The following JMJD1C variants were observed in gnomAD, a reference collection of about 807,000 sequenced individuals.
JMJD1C encodes the protein jumonji domain-containing protein 1C.
Under a neutral mutation model 245.3 loss-of-function variants are expected in JMJD1C, and 31 were observed. The observed-to-expected ratio is 0.13, with a 90% confidence interval of 0.09 to 0.17. The LOEUF is 0.17. Among genes scored for constraint, JMJD1C ranks in the 10% least tolerant of loss-of-function variants. The pLI is 1.00. For synonymous variants in JMJD1C, 1,057 were observed against 1,017.4 expected, an observed-to-expected ratio of 1.04 and a Z score of -0.74; for missense variants, 2,691 against 3,000.2, an observed-to-expected ratio of 0.90 and a Z score of 2.41.
At chr10:63,241,350 C>G (rs773123021) in intron 3 of JMJD1C, among the ~76,000 whole-genome samples, 8 of 152,138 alleles carry the variant, frequency 5.3e-5, no homozygotes, top group Non-Finnish European at 1.0e-4. Context: ...AGAAGACGAG[C>G]AGTAAAGTGA....
intron 3 of JMJD1C, among the ~76,000 whole-genome samples, chr10:63,263,959 T>TACACACACACAC (rs746833882): frequency 2.0e-4 from 17 of 83,014 alleles, no homozygotes; most frequent in African/African-American, 7.1e-4. Context: ...AAAATACACA[T>TACACACACACAC]ACACACACAC....
At chr10:63,330,958 G>C (rs1319770663) in intron 2 of JMJD1C, among the ~76,000 whole-genome samples, 1 of 152,096 alleles carries the variant, frequency 6.6e-6, no homozygotes. Context: ...ATTCCTCTAA[G>C]GCTCTGCACA....
chr10:63,360,074 C>T (rs1174717692), intron 2 of JMJD1C, among the ~76,000 whole-genome samples: 1 of 152,018 alleles, frequency 6.6e-6, no homozygotes, highest in Non-Finnish European at 1.5e-5. Flanking sequence ...ACTTGAGAGG[C>T]TGAGGCAGGA....
chr10:63,330,975 T>C (rs1210582422), intron 2 of JMJD1C, among the ~76,000 whole-genome samples: 2 of 152,218 alleles, frequency 1.3e-5, no homozygotes, highest in Non-Finnish European at 2.9e-5. Flanking sequence ...CACAGTCGAT[T>C]ACTCTATGAC....
In JMJD1C at chr10:63,192,973, T is replaced by C. The variant is rs1290132781; in HGVS notation, c.6041A>G (p.Asp2014Gly). ...ESQSPLHWLA[D>G]LAEQKAREEK... ...CTCTCTGGCTTTTTGCTCTGCAAGA[T>C]CTGCTAACCAGTGCAGTGGTGACTG... The change falls in exon 16 of 26, where the codon GAT becomes GGT. Residue 2014 changes from aspartate to glycine, a missense_variant. Physicochemically the swap from Asp to Gly is moderately conservative, Grantham distance 94 (BLOSUM62 -1). Around this residue, in one of 9 missense-constraint regions of JMJD1C, gnomAD observed 275 missense variants for 285.5 expected, o/e 0.96. Transcript: ENST00000399262. The C allele has an allele frequency of 1.9e-6, 3 of 1,614,034 alleles. No homozygotes were observed. The highest frequency in any genetic ancestry group is 2.7e-5 in the African/African-American group (2 of 74,920).
At chr10:63,276,088 T>C (rs1309028995) in intron 2 of JMJD1C, among the ~76,000 whole-genome samples, 2 of 152,170 alleles carry the variant, frequency 1.3e-5, no homozygotes, top group African/African-American at 4.8e-5. Flanking sequence ...AATTATATGT[T>C]AGAATACTAA....
chr10:63,329,017 C>A (rs756187007), intron 2 of JMJD1C, among the ~76,000 whole-genome samples: 15 of 152,174 alleles, frequency 9.9e-5, no homozygotes, highest in Non-Finnish European at 2.2e-4. Context: ...TGCCCTGGTT[C>A]ATGCCTATAA....
chr10:63,314,964 T>G (rs1257063109), intron 2 of JMJD1C, among the ~76,000 whole-genome samples: 3 of 149,580 alleles, frequency 2.0e-5, no homozygotes, highest in Admixed American at 2.0e-4. Flanking sequence ...TTGTTTTTTT[T>G]TTTTTTTTGA....
chr10:63,495,767 A>G (rs1564970368), intron 1 of JMJD1C, among the ~76,000 whole-genome samples: 3 of 147,322 alleles, frequency 2.0e-5, no homozygotes. Flanking sequence ...AAAAAAAAAA[A>G]AGAAGAAGAA....
intron 2 of JMJD1C, among the ~76,000 whole-genome samples, chr10:63,309,700 C>T (rs547495252): frequency 3.3e-5 from 5 of 151,532 alleles, no homozygotes; most frequent in East Asian, 3.9e-4. Flanking sequence ...GAGCGGATCA[C>T]GAGGTCTGGA....
intron 3 of JMJD1C, among the ~76,000 whole-genome samples, chr10:63,244,535 G>C (rs924685505): frequency 6.6e-6 from 1 of 151,898 alleles, no homozygotes; most frequent in African/African-American, 2.4e-5. Flanking sequence ...CAGCAAACAG[G>C]GAATCATGAC....
At chr10:63,173,764 G>T (rs1343136120) in intron 24 of JMJD1C, among the ~76,000 whole-genome samples, 2 of 151,830 alleles carry the variant, frequency 1.3e-5, no homozygotes, top group Non-Finnish European at 2.9e-5. Context: ...TTTGAAAAGA[G>T]AAGCTACAGG....
chr10:63,407,976 T>C (rs1449780441), intron 1 of JMJD1C, among the ~76,000 whole-genome samples: 1 of 152,014 alleles, frequency 6.6e-6, no homozygotes, highest in South Asian at 2.1e-4. Context: ...TGGTTCAATA[T>C]CCCAACACAA....
chr10:63,457,977 TATAAG>T (rs1325256596), intron 1 of JMJD1C, among the ~76,000 whole-genome samples: 1 of 152,190 alleles, frequency 6.6e-6, no homozygotes, highest in African/African-American at 2.4e-5. Flanking sequence ...AGTTCTACAA[TATAAG>T]ATAAATCAAC....
chr10:63,246,519 A>AT (rs1179413432), intron 3 of JMJD1C, among the ~76,000 whole-genome samples: 6 of 151,958 alleles, frequency 3.9e-5, no homozygotes, highest in African/African-American at 7.2e-5. Context: ...TGGAGAGAGA[A>AT]TTTTTTTTTC....
chr10:63,172,440 T>C (rs1381856852), intron 24 of JMJD1C, among the ~76,000 whole-genome samples: 2 of 152,228 alleles, frequency 1.3e-5, no homozygotes, highest in Non-Finnish European at 2.9e-5. Context: ...AAACATGTTG[T>C]TACTGAGAAC....
At chr10:63,477,107 C>A (rs561242451) in intron 1 of JMJD1C, among the ~76,000 whole-genome samples, 34 of 152,204 alleles carry the variant, frequency 2.2e-4, no homozygotes, top group Non-Finnish European at 3.7e-4. Flanking sequence ...TATACCATGT[C>A]CATGCATCAG....
chr10:63,303,574 A>G (rs1184032230), intron 2 of JMJD1C, among the ~76,000 whole-genome samples: 3 of 152,104 alleles, frequency 2.0e-5, no homozygotes, highest in Non-Finnish European at 4.4e-5. Flanking sequence ...CCAAAGTACT[A>G]ATATTACAGG....
At chr10:63,291,091 G>T (rs1202742171) in intron 2 of JMJD1C, among the ~76,000 whole-genome samples, 2 of 151,816 alleles carry the variant, frequency 1.3e-5, no homozygotes, top group Non-Finnish European at 2.9e-5. Flanking sequence ...CGGATCACGA[G>T]GTTAGGAGTT....
Sources: gnomAD v4.1 joint callset for allele counts (sites outside exome capture counted in the v4.1 genomes callset) on GRCh38, gnomAD v4.1.1 for gene constraint, gnomAD v4.1.1 regional missense constraint, MANE v1.5 for transcripts, NCBI Gene and HGNC (gene_info 2026-07-23, HGNC 2026-07-21) for gene names.